IDI1: variants seen among roughly 807,000 people sequenced by gnomAD.
IDI1 encodes the protein isopentenyl-diphosphate Delta-isomerase 1.
IDI1 carries 23 observed loss-of-function variants against 32.9 expected under a neutral mutation model. The observed-to-expected ratio is 0.70, with a 90% CI of 0.50 to 0.99. The LOEUF (loss-of-function observed/expected upper bound fraction) is 0.99. IDI1 is among the 50% of genes least tolerant of loss of function. The pLI is 0.00. For synonymous variants in IDI1, 133 were observed against 128.2 expected, an observed-to-expected ratio of 1.04 and a Z score of -0.25; for missense variants, 326 against 351.9, an observed-to-expected ratio of 0.93 and a Z score of 0.59.
rs918520734 is a variant in IDI1, at chr10:1,044,008, T to C, written c.304A>G (p.Ile102Val). 2 of 1,610,656 alleles carry C rather than the reference T, an allele frequency of 1.2e-6. No individual in the cohort carries two copies. The highest frequency in any genetic ancestry group is 2.7e-5 in the African/African-American group (2 of 74,692). The stretch of plus-strand genomic sequence containing the variant: ...TGTTTCAAAGCAGCACCTTTCTCAA[T>C]GTTCTCGTTCAGGTGACAATTCTTC... Reference protein sequence around the residue: ...TKKNCHLNENIEKGLLHRAFS... With the variant: ...TKKNCHLNENVEKGLLHRAFS... Residue 102 changes from isoleucine (I) to valine (V), a missense_variant, in exon 2 of 5, where the codon ATT (isoleucine) becomes GTT (valine). Around this residue, in one of 2 missense-constraint regions of IDI1, gnomAD observed 205 missense variants for 273.5 expected, o/e 0.75. Coordinates refer to ENST00000381344, the MANE Select transcript of IDI1 (RefSeq NM_004508.4).
chr10:1,050,172 A>G (rs1832962383), upstream of IDI1, among the ~76,000 whole-genome samples: 1 of 152,184 alleles, frequency 6.6e-6, no homozygotes, highest in Non-Finnish European at 1.5e-5. Context: ...GCTATTTACT[A>G]ACATAGAAAT....
upstream of IDI1, among the ~76,000 whole-genome samples, chr10:1,049,845 G>T (rs576224911): frequency 4.6e-5 from 7 of 152,160 alleles, no homozygotes; most frequent in Non-Finnish European, 8.8e-5. Context: ...GTAGAGACGG[G>T]TTTCCGCATG....
At chr10:1,041,587 C>A in intron 4 of IDI1, 83 bp from the exon 5 acceptor site, 1 of 678,552 alleles carries the variant, frequency 1.5e-6, no homozygotes, top group Non-Finnish European at 2.4e-6. Flanking sequence ...TGTATTACAG[C>A]GATATCTCGA....
intron 2 of IDI1, 155 bp downstream of exon 2, chr10:1,043,844 G>A (rs1183620833): frequency 5.9e-6 from 4 of 676,826 alleles, no homozygotes; most frequent in African/African-American, 1.8e-5. Flanking sequence ...AGACAGCAAA[G>A]CAGATGCTAA....
upstream of IDI1, among the ~76,000 whole-genome samples, chr10:1,053,596 T>G (rs900189894): frequency 2.6e-5 from 4 of 152,242 alleles, no homozygotes; most frequent in African/African-American, 9.6e-5. Flanking sequence ...TTCCTTTGCA[T>G]TCACGACTTA....
At chr10:1,050,674 A>G (rs916656268), upstream of IDI1, among the ~76,000 whole-genome samples, 3 of 152,198 alleles carry the variant, frequency 2.0e-5, no homozygotes, top group Admixed American at 2.0e-4. Flanking sequence ...CCAGCCCTGG[A>G]CAGGACGCCA....
At chr10:1,055,369 T>G in the IDI1 span, among the ~76,000 whole-genome samples, 1 of 152,248 alleles carries the variant, frequency 6.6e-6, no homozygotes, top group Non-Finnish European at 1.5e-5. Context: ...TTCAGTGACT[T>G]TTATGGAATC....
chr10:1,048,688 G>A (rs1202269265), intron 1 of IDI1, 176 bp downstream of exon 1: 3 of 1,414,092 alleles, frequency 2.1e-6, no homozygotes, highest in African/African-American at 3.0e-5. Context: ...CACAGCCCGG[G>A]AAGGCCCGGC....
At chr10:1,047,676 G>C (rs1329798865) in intron 1 of IDI1, among the ~76,000 whole-genome samples, 1 of 152,174 alleles carries the variant, frequency 6.6e-6, no homozygotes, top group Admixed American at 6.5e-5. Context: ...GTCTAGGTCT[G>C]CGTCAGCGCA....
chr10:1,049,290 T>A (rs949725504), upstream of IDI1: 14 of 451,976 alleles, frequency 3.1e-5, 1 homozygote, highest in African/African-American at 1.7e-4. Context: ...GTGCCTAACG[T>A]CAGACGTCTC....
chr10:1,043,702 C>G, intron 2 of IDI1: 1 of 642,746 alleles, frequency 1.6e-6, no homozygotes, highest in Non-Finnish European at 2.9e-6. Context: ...GCCCGCCTCT[C>G]TCCACTCTCT....
chr10:1,042,281 C>G (rs1321400468), intron 4 of IDI1, among the ~76,000 whole-genome samples: 1 of 151,916 alleles, frequency 6.6e-6, no homozygotes, highest in Non-Finnish European at 1.5e-5. Context: ...AAATCTTCAC[C>G]TTTTTTGTAG....
intron 4 of IDI1, 26 bp from the exon 5 acceptor site, chr10:1,041,530 ATT>A: frequency 7.4e-7 from 1 of 1,344,036 alleles, no homozygotes; most frequent in Non-Finnish European, 1.0e-6. Flanking sequence ...AAAAAAAGTA[ATT>A]AAAACATCGG....
chr10:1,047,675 T>G (rs1832836368), intron 1 of IDI1, among the ~76,000 whole-genome samples: 1 of 152,146 alleles, frequency 6.6e-6, no homozygotes, highest in African/African-American at 2.4e-5. Context: ...TGTCTAGGTC[T>G]GCGTCAGCGC....
intron 2 of IDI1, 150 bp from the exon 3 acceptor site, chr10:1,043,543 TG>T (rs1248646447): frequency 1.4e-6 from 1 of 707,640 alleles, no homozygotes; most frequent in East Asian, 2.7e-5. Flanking sequence ...TGCATGGCTA[TG>T]GTGAGGAAGA....
At chr10:1,055,027 C>T in the IDI1 span, among the ~76,000 whole-genome samples, 1 of 152,232 alleles carries the variant, frequency 6.6e-6, no homozygotes, top group Non-Finnish European at 1.5e-5. Flanking sequence ...TCAACCCTGC[C>T]AATACCTTGA....
Position 1,048,885 on chromosome 10 carries a change from AC to A in IDI1, c.118del (p.Val40SerfsTer6), listed in dbSNP as rs1832891489. On this transcript the variant is annotated frameshift_variant, in exon 1 of 5. Coordinates refer to ENST00000381344, the MANE Select transcript of IDI1 (RefSeq NM_004508.4). LOFTEE classifies it high-confidence loss of function. ...QSGRHPGPAV[V>X]CGRRLISVLE... The stretch of plus-strand genomic sequence containing the variant: ...GTACCTGATCAGCCTCCGGCCACAG[AC>A]AACCGCCGGTCCCGGATGGCGCCCG... 6.2e-7 allele frequency: 1 copy of A among 1,604,278 alleles called. No individual in the cohort carries two copies. The highest frequency in any genetic ancestry group is 8.5e-7 in the Non-Finnish European group (1 of 1,175,958).
At chr10:1,049,713 G>C (rs1348409342), upstream of IDI1, 1 of 152,042 alleles carries the variant, frequency 6.6e-6, no homozygotes, top group Non-Finnish European at 1.5e-5. Flanking sequence ...TGAGTGCAAT[G>C]GTGCAGTCTC....
intron 4 of IDI1, 80 bp from the exon 5 acceptor site, chr10:1,041,584 C>T (rs1304830902): frequency 2.8e-6 from 2 of 709,534 alleles, no homozygotes; most frequent in Admixed American, 3.0e-5. Flanking sequence ...CACTGTATTA[C>T]AGCGATATCT....
Sources: gnomAD v4.1 joint callset for allele counts (sites outside exome capture counted in the v4.1 genomes callset) on GRCh38, gnomAD v4.1.1 for gene constraint, gnomAD v4.1.1 regional missense constraint, MANE v1.5 for transcripts, NCBI Gene and HGNC (gene_info 2026-07-23, HGNC 2026-07-21) for gene names.